The following AFF2 variants were observed in gnomAD, a reference collection of about 807,000 sequenced individuals.
AFF2 encodes the protein AF4/FMR2 family member 2.
A neutral mutation model predicts 76.9 loss-of-function variants in AFF2; 14 were observed. That is an observed-to-expected ratio of 0.18 (90% confidence interval 0.12 to 0.28). The LOEUF (loss-of-function observed/expected upper bound fraction) is 0.28. Ranked by LOEUF, AFF2 falls within the 10% of genes least tolerant of loss-of-function variation. The probability of loss-of-function intolerance (pLI) is 1.00; values close to 1 mark genes in which losing one functional copy is unlikely to be tolerated. For missense variants in AFF2, 868 were observed against 1,001.1 expected (o/e 0.87, Z 1.79); for synonymous variants, 398 against 366.7 (o/e 1.09, Z -0.98).
chrX:148,627,977 G>A (rs1333318642), intron 1 of AFF2, among the ~76,000 whole-genome samples: 2 of 111,696 alleles, frequency 1.8e-5, no homozygotes, highest in African/African-American at 3.3e-5. Flanking sequence ...GCTGGCCAAG[G>A]GAAAGCTTAT....
chrX:148,838,710 AAG>A (rs2070559675), intron 5 of AFF2, among the ~76,000 whole-genome samples: 2 of 111,804 alleles, frequency 1.8e-5, no homozygotes, highest in South Asian at 7.6e-4. Flanking sequence ...GGGGAGTGGA[AAG>A]AGAGGAAACC....
intron 3 of AFF2, among the ~76,000 whole-genome samples, chrX:148,762,690 G>C (rs1360130112): frequency 9.1e-6 from 1 of 110,106 alleles, no homozygotes; most frequent in African/African-American, 3.3e-5. Context: ...CTCATTTCGT[G>C]TACCCCATGC....
intron 3 of AFF2, among the ~76,000 whole-genome samples, chrX:148,736,212 G>T (rs1237674570): frequency 7.1e-5 from 8 of 112,059 alleles, no homozygotes; most frequent in Non-Finnish European, 1.3e-4. Flanking sequence ...CATAGTGGCT[G>T]TACTAGTTTA....
intron 3 of AFF2, among the ~76,000 whole-genome samples, chrX:148,800,599 G>T (rs940684355): frequency 9.0e-6 from 1 of 111,307 alleles, no homozygotes; most frequent in African/African-American, 3.3e-5. Flanking sequence ...AGAGCCAAAG[G>T]TACATATTTA....
At chrX:148,846,803 G>A (rs1415770134) in intron 7 of AFF2, among the ~76,000 whole-genome samples, 1 of 112,195 alleles carries the variant, frequency 8.9e-6, no homozygotes, top group African/African-American at 3.2e-5. Flanking sequence ...TATCATGGCT[G>A]TCTATTCTGT....
At chrX:148,956,822 A>G (rs782671373) in intron 11 of AFF2, among the ~76,000 whole-genome samples, 12 of 113,188 alleles carry the variant, frequency 1.1e-4, no homozygotes, top group Non-Finnish European at 2.1e-4. Context: ...AAGAGTGTCC[A>G]TTATGGCATA....
chrX:148,747,583 G>C (rs2055436586), intron 3 of AFF2, among the ~76,000 whole-genome samples: 1 of 111,458 alleles, frequency 9.0e-6, no homozygotes, highest in Admixed American at 9.5e-5. Context: ...GCCTGGGACT[G>C]TTTTGTTGTT....
Position 148,978,369 on chromosome X carries a change from T to A in AFF2, c.3484T>A (p.Cys1162Ser), listed in dbSNP as rs1265898937. 8.3e-7 allele frequency: 1 copy of A among 1,198,442 alleles called. No individual in the cohort carries two copies. Among genetic ancestry groups the A allele is most frequent in the Non-Finnish European group, 1.1e-6 (1 of 884,479 alleles). ...DKKLAVLCYRCLSLLYLRMFK... is the reference protein window; with the variant it reads ...DKKLAVLCYRSLSLLYLRMFK... The stretch of plus-strand genomic sequence containing the variant: ...CTTTCCTCATCACCACAGCTACCGA[T>A]GTTTATCACTCCTCTATTTGAGAAT... Residue 1162 changes from cysteine to serine, a missense_variant, in exon 18 of 21, where the codon TGT becomes AGT. By Grantham distance (112) the Cys-to-Ser change is moderately radical (BLOSUM62 -1). Around this residue, in one of 6 missense-constraint regions of AFF2, gnomAD observed 57 missense variants for 117.8 expected, o/e 0.48. Transcript: ENST00000370460.
chrX:148,809,371 A>G (rs16994733), intron 3 of AFF2, among the ~76,000 whole-genome samples: 1,696 of 112,074 alleles, frequency 0.015, 30 homozygotes, highest in African/African-American at 0.053. Context: ...TTCACTGAGT[A>G]TACTTCTGAG....
At chrX:148,920,642 G>GTA (rs1409506001) in intron 9 of AFF2, among the ~76,000 whole-genome samples, 7 of 109,419 alleles carry the variant, frequency 6.4e-5, no homozygotes, top group African/African-American at 2.3e-4. Flanking sequence ...GCGTGTGTGT[G>GTA]TGTGTGTATT....
rs2071067018 is a variant in AFF2 at position 148,879,036 on chromosome X, G to A, written c.1263-6853G>A. 2.7e-5 allele frequency among the ~76,000 whole-genome samples: 3 copies of A among 112,031 alleles called. No homozygotes were observed. In the Admixed American group the frequency reaches 2.8e-4, roughly 11 times the overall value. On this transcript the variant is annotated intron_variant, in intron 7 of 20. Transcript: ENST00000370460. Reference sequence around the variant, plus strand: ...TTCTAAGGAATTCCAAGGTTGAAGAGGTGACAGTTGATTGATTCAAGTCAT... The same window carrying A: ...TTCTAAGGAATTCCAAGGTTGAAGAAGTGACAGTTGATTGATTCAAGTCAT...
chrX:148,784,267 G>T (rs2069784236), intron 3 of AFF2, among the ~76,000 whole-genome samples: 1 of 111,997 alleles, frequency 8.9e-6, no homozygotes, highest in Admixed American at 9.5e-5. Flanking sequence ...TGCCTTTTTG[G>T]GTCTCTTCCT....
Position 148,604,280 on chromosome X carries a change from G to T in AFF2, c.48-47719G>T, listed in dbSNP as rs189918753. Among the ~76,000 whole-genome samples, 20 of 112,583 alleles carry T rather than the reference G, an allele frequency of 1.8e-4. No homozygotes were observed. The East Asian group carries it at 5.6e-3, about 31-fold the overall frequency. On this transcript the variant is annotated intron_variant, in intron 1 of 20. Coordinates refer to ENST00000370460, the MANE Select transcript of AFF2 (RefSeq NM_002025.4). Reference sequence around the variant, plus strand: ...TGAAAACATGAATCATTTTTGTAAAGTACAAATAGTATAATACAAATAACA... The same window carrying T: ...TGAAAACATGAATCATTTTTGTAAATTACAAATAGTATAATACAAATAACA...
At chrX:148,594,913 T>C (rs1380710104) in intron 1 of AFF2, among the ~76,000 whole-genome samples, 1 of 111,893 alleles carries the variant, frequency 8.9e-6, no homozygotes, top group African/African-American at 3.3e-5. Flanking sequence ...GAAACATGGA[T>C]TTTTAGTGAA....
rs1557257842 is a variant in AFF2, at chrX:148,662,180, C to T, written c.453C>T (p.Ser151=). 1.7e-6 allele frequency: 2 copies of T among 1,210,929 alleles called. No individual in the cohort carries two copies. Among genetic ancestry groups the T allele is most frequent in the South Asian group, 3.5e-5 (2 of 56,985 alleles). Residue 151 remains serine (S), a synonymous_variant, in exon 3 of 21, where the codon AGC becomes AGT. Transcript: ENST00000370460. ...VVILNSTLIH[S]NRKSKPEWSR... is the part of the protein sequence containing the mutation. ...TACTGAATTCAACTCTAATACACAGCAACAGAAAATCAAAACCTGAGTGGT... is the reference window on the plus strand; with the variant it reads ...TACTGAATTCAACTCTAATACACAGTAACAGAAAATCAAAACCTGAGTGGT...
In AFF2 at chrX:148,878,179, G is replaced by A. The variant is rs782377534; in HGVS notation, c.1263-7710G>A. On this transcript the variant is annotated intron_variant, in intron 7 of 20. Coordinates refer to ENST00000370460, the MANE Select transcript of AFF2 (RefSeq NM_002025.4). ...GCCTGATAGAGAAAGTCCTCACTTGGCATCTGAGCCTTATCAAAATGAAGA... is the reference window on the plus strand; with the variant it reads ...GCCTGATAGAGAAAGTCCTCACTTGACATCTGAGCCTTATCAAAATGAAGA... 2.4e-3 allele frequency among the ~76,000 whole-genome samples: 272 copies of A among 111,896 alleles called. 1 individual carries two copies. Among genetic ancestry groups the A allele is most frequent in the African/African-American group, 8.3e-3 (257 of 30,822 alleles).
intron 3 of AFF2, among the ~76,000 whole-genome samples, chrX:148,769,500 T>A (rs2069559923): frequency 8.9e-6 from 1 of 111,853 alleles, no homozygotes; most frequent in East Asian, 2.8e-4. Flanking sequence ...TACAATACAC[T>A]GTTCTTTATG....
intron 8 of AFF2, among the ~76,000 whole-genome samples, chrX:148,886,765 T>C (rs2071164805): frequency 8.9e-6 from 1 of 112,341 alleles, no homozygotes; most frequent in South Asian, 3.7e-4. Flanking sequence ...TGCAGAAGGA[T>C]TGCCTTTCTT....
chrX:148,965,364 A>G (rs1345869767), intron 13 of AFF2, among the ~76,000 whole-genome samples: 1 of 112,237 alleles, frequency 8.9e-6, no homozygotes, highest in Non-Finnish European at 1.9e-5. Flanking sequence ...GTTTTCAAGA[A>G]GAGTTCTAGG....
Sources: allele counts gnomAD v4.1 joint callset (sites outside exome capture counted in the v4.1 genomes callset), GRCh38; gene constraint gnomAD v4.1.1; regional missense constraint gnomAD v4.1.1; transcripts MANE v1.5; gene names NCBI Gene and HGNC (gene_info 2026-07-23, HGNC 2026-07-21).